The following ZFAND3 variants were observed in gnomAD, a reference collection of about 807,000 sequenced individuals.
The protein encoded by ZFAND3 is AN1-type zinc finger protein 3.
In ZFAND3, 10 loss-of-function variants were observed where a neutral mutation model predicts 29.6. The observed-to-expected ratio is 0.34, with a 90% CI of 0.21 to 0.57. ZFAND3 has a LOEUF of 0.57. ZFAND3 is among the 20% of genes least tolerant of loss of function. The pLI is 0.86. For synonymous variants in ZFAND3, 128 were observed against 112.6 expected (o/e 1.14, Z -0.87); for missense variants, 230 against 304.5 (o/e 0.76, Z 1.82).
intron 1 of ZFAND3, among the ~76,000 whole-genome samples, chr6:37,848,600 G>C (rs1262442744): frequency 6.6e-6 from 1 of 152,124 alleles, no homozygotes; most frequent in Non-Finnish European, 1.5e-5. Flanking sequence ...TATTTTTCTG[G>C]TAAGTTTTTA....
chr6:37,909,020 T>C (rs1200918562), intron 1 of ZFAND3, among the ~76,000 whole-genome samples: 1 of 152,184 alleles, frequency 6.6e-6, no homozygotes, highest in Non-Finnish European at 1.5e-5. Context: ...TGGGTAAATA[T>C]ACCCCAGATG....
At chr6:37,994,026 T>A (rs1046951940) in intron 2 of ZFAND3, among the ~76,000 whole-genome samples, 3 of 152,250 alleles carry the variant, frequency 2.0e-5, no homozygotes. Context: ...GTAAAAGAAT[T>A]GGATTTCTAA....
intron 1 of ZFAND3, among the ~76,000 whole-genome samples, chr6:37,906,739 T>G (rs1211627321): frequency 2.0e-5 from 3 of 151,240 alleles, no homozygotes; most frequent in African/African-American, 7.3e-5. Context: ...GCCACCCTAG[T>G]GTATCTTATT....
At chr6:38,041,708 C>T (rs6932843) in intron 2 of ZFAND3, among the ~76,000 whole-genome samples, 2,419 of 4,200 alleles carry the variant, frequency 0.58, 396 homozygotes, top group East Asian at 0.78. Context: ...TCCTCCTCCT[C>T]CTCCTCCTCC....
intron 4 of ZFAND3, among the ~76,000 whole-genome samples, chr6:38,100,230 G>A (rs761856291): frequency 8.6e-5 from 13 of 151,696 alleles, no homozygotes; most frequent in Non-Finnish European, 1.8e-4. Context: ...CGCCAAGCTC[G>A]TTTTTGTATT....
At chr6:37,878,888 A>G (rs1764841396) in intron 1 of ZFAND3, among the ~76,000 whole-genome samples, 1 of 152,182 alleles carries the variant, frequency 6.6e-6, no homozygotes. Flanking sequence ...TTAAGAAGCT[A>G]GGAAAGTGTC....
intron 2 of ZFAND3, among the ~76,000 whole-genome samples, chr6:37,931,600 G>A (rs377153554): frequency 1.3e-5 from 2 of 151,934 alleles, no homozygotes; most frequent in East Asian, 1.9e-4. Flanking sequence ...GTTAGTGTGT[G>A]TAAGTCTTTT....
intron 1 of ZFAND3, among the ~76,000 whole-genome samples, chr6:37,914,587 C>T (rs1581756959): frequency 6.6e-6 from 1 of 152,158 alleles, no homozygotes; most frequent in East Asian, 1.9e-4. Flanking sequence ...GATCAGCCTG[C>T]CTTGGCCTCC....
intron 3 of ZFAND3, among the ~76,000 whole-genome samples, chr6:38,064,804 C>G (rs1764309863): frequency 6.6e-6 from 1 of 151,060 alleles, no homozygotes; most frequent in Admixed American, 6.6e-5. Flanking sequence ...TAGACTTATA[C>G]TCTCTGAAGC....
rs1388832606 is a variant in ZFAND3, at chr6:37,902,737, C to T, written c.72-27222C>T. On this transcript the variant is annotated intron_variant, in intron 1 of 5. Transcript: ENST00000287218. ...TGCAGCAGCAAGCTTCTTTTACTTACTTTTTTTTTTTTTTTTTTTTTTTAA... is the reference window on the plus strand; with the variant it reads ...TGCAGCAGCAAGCTTCTTTTACTTATTTTTTTTTTTTTTTTTTTTTTTTAA... Among the ~76,000 whole-genome samples the T allele has an allele frequency of 1.3e-3, 128 of 100,440 alleles. 1 individual carries two copies. The highest frequency in any genetic ancestry group is 7.7e-3 in the Middle Eastern group (1 of 130). 65.9% of individuals were successfully genotyped at this position (100,440 alleles called of 152,430 possible). A position where few individuals can be genotyped will look rare whatever the true frequency, so the allele number is the denominator to read the frequency against.
chr6:37,827,723 C>T (rs898823581), intron 1 of ZFAND3, among the ~76,000 whole-genome samples: 2 of 152,222 alleles, frequency 1.3e-5, no homozygotes, highest in African/African-American at 4.8e-5. Context: ...GTTTTGGCTA[C>T]AGCTATTAAC....
At chr6:38,136,810 G>A (rs1355193162) in intron 5 of ZFAND3, among the ~76,000 whole-genome samples, 1 of 152,236 alleles carries the variant, frequency 6.6e-6, no homozygotes, top group African/African-American at 2.4e-5. Context: ...GCACCGTGTA[G>A]TTTGTGCATC....
intron 2 of ZFAND3, among the ~76,000 whole-genome samples, chr6:37,989,650 G>A (rs1217443599): frequency 6.6e-6 from 1 of 152,150 alleles, no homozygotes; most frequent in Non-Finnish European, 1.5e-5. Flanking sequence ...AGCCACATAA[G>A]TTATCTGGGG....
At chr6:38,112,982 T>C (rs1482577217) in intron 4 of ZFAND3, among the ~76,000 whole-genome samples, 1 of 152,192 alleles carries the variant, frequency 6.6e-6, no homozygotes, top group African/African-American at 2.4e-5. Flanking sequence ...AGTCACCTTC[T>C]TGGGCAATAG....
chr6:37,955,190 T>C (rs1288589420), intron 2 of ZFAND3, among the ~76,000 whole-genome samples: 2 of 151,990 alleles, frequency 1.3e-5, no homozygotes, highest in Non-Finnish European at 2.9e-5. Context: ...GGAATCACTG[T>C]CCTTATCTAG....
At position 38,153,607 on chromosome 6, in the gene ZFAND3, T is replaced by A; in HGVS notation, c.*1218T>A. 2.0e-6 allele frequency: 2 copies of A among 985,262 alleles called. No homozygotes were observed. Among genetic ancestry groups the A allele is most frequent in the African/African-American group, 3.5e-5 (2 of 57,274 alleles). 61.0% of individuals were successfully genotyped at this position (985,262 alleles called of 1,614,324 possible). A position where few individuals can be genotyped will look rare whatever the true frequency, so the allele number is the denominator to read the frequency against. On this transcript the variant is annotated 3_prime_UTR_variant, in exon 6 of 6. Coordinates refer to ENST00000287218, the MANE Select transcript of ZFAND3 (RefSeq NM_021943.3). The stretch of plus-strand genomic sequence containing the variant: ...AGGTGAGGGCCTGAGGGTACATTTC[T>A]CCACCTGTGCCCCCTCATGTTCACA...
chr6:37,853,298 G>A (rs892237772), intron 1 of ZFAND3, among the ~76,000 whole-genome samples: 1 of 151,786 alleles, frequency 6.6e-6, no homozygotes, highest in Non-Finnish European at 1.5e-5. Flanking sequence ...GGTGCCATAG[G>A]TGGGCCTGAG....
chr6:38,051,345 GT>G (rs1764021868), intron 2 of ZFAND3, among the ~76,000 whole-genome samples: 1 of 152,162 alleles, frequency 6.6e-6, no homozygotes, highest in South Asian at 2.1e-4. Context: ...CTAACCTGCT[GT>G]TTTTGCTAAT....
At chr6:37,943,193 A>G (rs147271847) in intron 2 of ZFAND3, among the ~76,000 whole-genome samples, 40 of 152,306 alleles carry the variant, frequency 2.6e-4, no homozygotes, top group African/African-American at 9.6e-4. Flanking sequence ...GTACTGGGAA[A>G]GTCTTGCAAG....
Sources: allele counts gnomAD v4.1 joint callset (sites outside exome capture counted in the v4.1 genomes callset), GRCh38; gene constraint gnomAD v4.1.1; transcripts MANE v1.5; gene names NCBI Gene and HGNC (gene_info 2026-07-23, HGNC 2026-07-21).